The following ADAP1 variants were observed in gnomAD, a reference collection of about 807,000 sequenced individuals.
The protein encoded by ADAP1 is arf-GAP with dual PH domain-containing protein 1.
A neutral mutation model predicts 54.9 loss-of-function variants in ADAP1; 31 were observed. That is an observed-to-expected ratio of 0.56 (90% confidence interval 0.42 to 0.76). ADAP1 has a LOEUF of 0.76. ADAP1 is among the 30% of genes least tolerant of loss of function. ADAP1 has a pLI of 0.00. For synonymous variants in ADAP1, 313 were observed against 202.6 expected (o/e 1.55, Z -4.63); for missense variants, 535 against 512.4 (o/e 1.04, Z -0.42).
At chr7:900,213 C>G (rs375154076) in intron 7 of ADAP1, 49 bp from the exon 8 acceptor site, 2 of 1,607,074 alleles carry the variant, frequency 1.2e-6, no homozygotes, top group Non-Finnish European at 8.5e-7. Flanking sequence ...CAGCTCAGGC[C>G]GAGCCCCTCC....
At position 926,661 on chromosome 7, in the gene ADAP1, G is replaced by C. The variant is rs900558617; in HGVS notation, c.214-17C>G. The C allele has an allele frequency of 6.5e-7, 1 of 1,535,606 alleles. No homozygotes were observed. Among genetic ancestry groups the C allele is most frequent in the Non-Finnish European group, 8.8e-7 (1 of 1,140,486 alleles). ...GGCCATGAACTGCAAGAGAGGAGGG[G>C]CCGGGTCAGAGGCCTGGGGTCCCAG... On this transcript the variant is annotated splice_polypyrimidine_tract_variant and intron_variant, in intron 2 of 10. Transcript: ENST00000265846. The surrounding 1 kb of genome is among the most constrained non-coding windows in gnomAD (Gnocchi z 4.6).
intron 4 of ADAP1, among the ~76,000 whole-genome samples, chr7:907,456 C>T (rs1404921192): frequency 6.6e-6 from 1 of 152,146 alleles, no homozygotes. Flanking sequence ...GTCTCGGGCC[C>T]GTGGGATCGT....
At position 920,844 on chromosome 7, in the gene ADAP1, G is replaced by A. The variant is rs866313898; in HGVS notation, c.306-794C>T. On this transcript the variant is annotated intron_variant, in intron 3 of 10. Transcript: ENST00000265846. This position sits in a 1 kb window ranked among gnomAD's most constrained non-coding sequence, Gnocchi z 4.5. Reference sequence around the variant, plus strand: ...CCACACACAGGCCCGGCACGGCCCAGGTGCACAGGCAGCCGCCCCAGCCTT... The same window carrying A: ...CCACACACAGGCCCGGCACGGCCCAAGTGCACAGGCAGCCGCCCCAGCCTT... The A allele has an allele frequency of 3.9e-6, 6 of 1,550,202 alleles. 1 individual carries two copies. Among genetic ancestry groups the A allele is most frequent in the Middle Eastern group, 3.3e-4 (2 of 5,986 alleles).
chr7:924,270 T>G (rs1443298571), intron 3 of ADAP1, among the ~76,000 whole-genome samples: 1 of 76,088 alleles, frequency 1.3e-5, no homozygotes, highest in African/African-American at 5.6e-5. Flanking sequence ...AGGTCCACAC[T>G]GCACCCCCTG....
upstream of ADAP1, chr7:954,714 T>C (rs1847346863): frequency 3.1e-6 from 3 of 981,330 alleles, no homozygotes; most frequent in Admixed American, 1.3e-4. Flanking sequence ...CGCTGCGCTC[T>C]GGCCGGCAAG....
At chr7:905,799 A>AGAAAGG (rs1845228860) in intron 4 of ADAP1, among the ~76,000 whole-genome samples, 1 of 42,194 alleles carries the variant, frequency 2.4e-5, no homozygotes, top group African/African-American at 7.3e-5. Context: ...AGGAGAAAGG[A>AGAAAGG]GAAAGGAGAA....
At chr7:939,779 C>T (rs934270355) in intron 1 of ADAP1, among the ~76,000 whole-genome samples, 13 of 150,748 alleles carry the variant, frequency 8.6e-5, no homozygotes, top group Non-Finnish European at 1.8e-4. Context: ...TGCAGTGAGC[C>T]GAGATCGTGC....
rs1009683347 is a variant in ADAP1 at position 945,569 on chromosome 7, T to G, written c.82+8827A>C. ...AGCAGGTACACACTGGGCCCAAGGG[T>G]GGCTGCGGCATGGCTGATGTGGTGG... On this transcript the variant is annotated intron_variant, in intron 1 of 10. Transcript: ENST00000265846. The surrounding 1 kb of genome is among the most constrained non-coding windows in gnomAD (Gnocchi z 4.2). 4.6e-5 allele frequency among the ~76,000 whole-genome samples: 7 copies of G among 152,302 alleles called. No homozygotes were observed. In the East Asian group the frequency reaches 1.3e-3, roughly 29 times the overall value.
chr7:904,013 T>TA, intron 6 of ADAP1, 113 bp downstream of exon 6: 2 of 1,411,214 alleles, frequency 1.4e-6, no homozygotes, highest in Admixed American at 2.2e-5. Flanking sequence ...TCATGCCGCC[T>TA]AGCTCAAGTG....
chr7:912,525 G>C (rs1229982897), intron 4 of ADAP1, among the ~76,000 whole-genome samples: 1 of 152,184 alleles, frequency 6.6e-6, no homozygotes, highest in Admixed American at 6.5e-5. Flanking sequence ...AGCGGGCTGA[G>C]GTTCACCTGG....
chr7:906,774 A>ACT (rs1845461544), intron 4 of ADAP1, among the ~76,000 whole-genome samples: 1 of 14,436 alleles, frequency 6.9e-5, no homozygotes, highest in Non-Finnish European at 1.2e-4. Context: ...GACATGGGGG[A>ACT]CAGGGGACAC....
chr7:905,856 G>A (rs1583131192), intron 4 of ADAP1, among the ~76,000 whole-genome samples: 1 of 57,874 alleles, frequency 1.7e-5, no homozygotes, highest in African/African-American at 4.8e-5. Context: ...GGAGAAGGGA[G>A]AAGGGAGAAG....
At chr7:908,201 CCAGA>C (rs1434013952) in intron 4 of ADAP1, among the ~76,000 whole-genome samples, 7 of 152,176 alleles carry the variant, frequency 4.6e-5, no homozygotes, top group Non-Finnish European at 1.5e-5. Flanking sequence ...AGCCAACAGG[CCAGA>C]CAGAGGCTCA....
intron 4 of ADAP1, among the ~76,000 whole-genome samples, chr7:917,813 C>T (rs933340587): frequency 2.6e-5 from 4 of 152,160 alleles, no homozygotes; most frequent in African/African-American, 7.2e-5. Context: ...CTCTGACGTC[C>T]AGGCTGGAGT....
intron 4 of ADAP1, among the ~76,000 whole-genome samples, chr7:914,103 C>G (rs1240955091): frequency 6.6e-6 from 1 of 152,226 alleles, no homozygotes; most frequent in Non-Finnish European, 1.5e-5. Flanking sequence ...GCCATTTCCA[C>G]CCACAGCCAA....
intron 1 of ADAP1, among the ~76,000 whole-genome samples, chr7:944,359 A>C (rs1284849887): frequency 2.0e-5 from 3 of 150,526 alleles, no homozygotes; most frequent in Admixed American, 6.6e-5. Context: ...GGTTCAAGCA[A>C]TTCTCCTGTC....
intron 1 of ADAP1, 115 bp from the exon 2 acceptor site, chr7:935,620 G>A: frequency 1.5e-6 from 2 of 1,364,492 alleles, no homozygotes; most frequent in African/African-American, 1.5e-5. Flanking sequence ...CTTCAGCGGA[G>A]ACCCCCGGGT....
Position 906,737 on chromosome 7 carries a change from C to A in ADAP1, c.389-1565G>T, listed in dbSNP as rs1157984839. Among the ~76,000 whole-genome samples the A allele has an allele frequency of 1.4e-3, 54 of 37,338 alleles. 2 individuals are homozygous for A. Among genetic ancestry groups the A allele is most frequent in the East Asian group, 8.4e-3 (7 of 830 alleles). The allele number at this position is 37,338 out of a possible 152,430, so 24.5% of individuals were successfully genotyped here. A position where few individuals can be genotyped will look rare whatever the true frequency, so the allele number is the denominator to read the frequency against. ...GACATCGGGGACGGGACATGGGGGA[C>A]AGAGTACATAGGGGACATGGACAGG... On this transcript the variant is annotated intron_variant, in intron 4 of 10. Transcript: ENST00000265846.
intron 4 of ADAP1, among the ~76,000 whole-genome samples, chr7:914,244 C>T (rs563386803): frequency 1.3e-5 from 2 of 152,194 alleles, no homozygotes; most frequent in African/African-American, 2.4e-5. Flanking sequence ...ACCTGGCCAA[C>T]GTGGGGTTGT....
Sources: allele counts gnomAD v4.1 joint callset (sites outside exome capture counted in the v4.1 genomes callset), GRCh38; gene constraint gnomAD v4.1.1; non-coding constraint Gnocchi (gnomAD v3.1); transcripts MANE v1.5; gene names NCBI Gene and HGNC (gene_info 2026-07-23, HGNC 2026-07-21).